SPARCL1: variants seen among roughly 807,000 people sequenced by gnomAD.
The protein encoded by SPARCL1 is SPARC-like protein 1.
SPARCL1 carries 52 observed loss-of-function variants against 67.1 expected under a neutral mutation model. The observed-to-expected ratio is 0.78, with a 90% confidence interval of 0.62 to 0.98. The LOEUF (loss-of-function observed/expected upper bound fraction) is 0.98, where lower values mean the gene tolerates loss of function less well. SPARCL1 is among the 50% of genes least tolerant of loss of function. The pLI is 0.00. For synonymous variants in SPARCL1, 226 were observed against 267.8 expected, an observed-to-expected ratio of 0.84 and a Z score of 1.52; for missense variants, 717 against 782.4, an observed-to-expected ratio of 0.92 and a Z score of 1.00.
intron 10 of SPARCL1, among the ~76,000 whole-genome samples, chr4:87,478,111 T>C (rs1289293748): frequency 6.6e-6 from 1 of 152,242 alleles, no homozygotes; most frequent in Non-Finnish European, 1.5e-5. Context: ...TGACATTTGA[T>C]GAACTGACTT....
chr4:87,474,812 G>A (rs1018188323), intron 10 of SPARCL1, among the ~76,000 whole-genome samples: 2 of 145,848 alleles, frequency 1.4e-5, no homozygotes, highest in African/African-American at 2.6e-5. Context: ...GCGCAGTCTC[G>A]GCTCACTGCA....
chr4:87,495,759 G>A (rs572195326), intron 2 of SPARCL1, among the ~76,000 whole-genome samples: 2 of 152,112 alleles, frequency 1.3e-5, no homozygotes, highest in Admixed American at 6.5e-5. Context: ...GTGAAACCCC[G>A]TCTCTACTAA....
intron 7 of SPARCL1, among the ~76,000 whole-genome samples, chr4:87,484,197 AG>A (rs1270140328): frequency 2.0e-5 from 3 of 152,116 alleles, no homozygotes; most frequent in African/African-American, 7.2e-5. Context: ...GTTTTCTTCT[AG>A]GGTTTTTATG....
intron 1 of SPARCL1, among the ~76,000 whole-genome samples, chr4:87,525,344 A>G (rs888492134): frequency 2.0e-5 from 3 of 152,120 alleles, no homozygotes; most frequent in Non-Finnish European, 1.5e-5. Flanking sequence ...TATTATATCT[A>G]TTTCACAGAT....
At chr4:87,526,320 A>G (rs1008160391) in intron 1 of SPARCL1, among the ~76,000 whole-genome samples, 8 of 152,228 alleles carry the variant, frequency 5.3e-5, no homozygotes, top group African/African-American at 1.9e-4. Context: ...AGGCAATTCA[A>G]AGAATATTTC....
Position 87,491,628 on chromosome 4 carries a change from C to A in SPARCL1, c.1281G>T (p.Val427=). The A allele has an allele frequency of 1.9e-6, 3 of 1,612,830 alleles. No individual in the cohort carries two copies. The highest frequency in any genetic ancestry group is 1.7e-5 in the Admixed American group (1 of 60,010). Residue 427 remains valine (V), a synonymous_variant, in exon 5 of 11, where the codon GTG becomes GTT. Transcript: ENST00000282470. ...TTCATGCATACTCACCCACAGCATG[C>A]ACCCTCATGTTGCCTTCACTTGACG... ...EETSSEGNMR[V]HAVDSCMSFQ...
In SPARCL1 at chr4:87,496,632, C is replaced by A. The variant is rs1296987102; in HGVS notation, c.55-1505G>T. Among the ~76,000 whole-genome samples, 4 of 152,218 alleles carry A rather than the reference C, an allele frequency of 2.6e-5. No individual in the cohort carries two copies. In the East Asian group the frequency reaches 7.7e-4, roughly 29 times the overall value. On this transcript the variant is annotated intron_variant, in intron 2 of 10. Transcript: ENST00000282470. ...ATATGTTATAAATTTTAAGGAGTTG[C>A]CCAACTGAAAATTACTATTTCTAGT... is the stretch of plus-strand genomic sequence containing the variant.
At chr4:87,487,900 G>C (rs1382557164) in intron 7 of SPARCL1, among the ~76,000 whole-genome samples, 2 of 152,068 alleles carry the variant, frequency 1.3e-5, no homozygotes, top group Non-Finnish European at 2.9e-5. Context: ...ATTGATACTT[G>C]TGTATGCTTC....
chr4:87,500,016 A>G (rs571146984), intron 1 of SPARCL1, among the ~76,000 whole-genome samples: 2 of 152,296 alleles, frequency 1.3e-5, no homozygotes, highest in African/African-American at 4.8e-5. Flanking sequence ...AGAGTAATAG[A>G]CCTAGAGGGT....
At position 87,494,372 on chromosome 4, in the gene SPARCL1, G is replaced by C; in HGVS notation, c.428C>G (p.Pro143Arg). ...AGAATCTGTGAAGGAACTAACACCA[G>C]GAGCCAAAAAATCAGTGTTCTCTGA... Reference protein sequence around the residue: ...KLSENTDFLAPGVSSFTDSNQ... With the variant: ...KLSENTDFLARGVSSFTDSNQ... The change falls in exon 4 of 11, where the codon CCT (proline) becomes CGT (arginine). Residue 143 changes from proline (P) to arginine (R), a missense_variant. Physicochemically the swap from Pro to Arg is moderately radical, Grantham distance 103. Transcript: ENST00000282470. 1.2e-6 allele frequency: 2 copies of C among 1,614,128 alleles called. No homozygotes were observed. Among genetic ancestry groups the C allele is most frequent in the Non-Finnish European group, 1.7e-6 (2 of 1,180,028 alleles).
At chr4:87,523,829 A>G (rs62315965) in intron 1 of SPARCL1, among the ~76,000 whole-genome samples, 35,928 of 152,152 alleles carry the variant, frequency 0.24, 4,424 homozygotes, top group South Asian at 0.36. Flanking sequence ...CTGTTTGGCC[A>G]AACACTTTGG....
At chr4:87,509,643 A>G (rs755940443) in intron 1 of SPARCL1, among the ~76,000 whole-genome samples, 8 of 152,198 alleles carry the variant, frequency 5.3e-5, no homozygotes, top group Non-Finnish European at 8.8e-5. Flanking sequence ...GGCTGTCAAT[A>G]GGGGAAGTGG....
rs1444802507 is a variant in SPARCL1 at position 87,499,517 on chromosome 4, T to C, written c.54+4A>G. 4 of 1,602,626 alleles carry C rather than the reference T, an allele frequency of 2.5e-6. No individual in the cohort carries two copies. Among genetic ancestry groups the C allele is most frequent in the African/African-American group, 1.3e-5 (1 of 74,116 alleles). On this transcript the variant is annotated splice_donor_region_variant and intron_variant, in intron 2 of 10. Coordinates refer to ENST00000282470, the MANE Select transcript of SPARCL1 (RefSeq NM_004684.6). The stretch of plus-strand genomic sequence containing the variant: ...GATGTAATAACAGAAGAAAGGAAAT[T>C]TACCGGGATTGCAGCTGCAGTTCCC...
At chr4:87,510,488 C>G (rs1202896132) in intron 1 of SPARCL1, among the ~76,000 whole-genome samples, 1 of 152,188 alleles carries the variant, frequency 6.6e-6, no homozygotes, top group African/African-American at 2.4e-5. Context: ...CATAAAGACC[C>G]CAGAACTCAG....
At chr4:87,485,521 ATTT>A (rs59992879) in intron 7 of SPARCL1, among the ~76,000 whole-genome samples, 1 of 143,748 alleles carries the variant, frequency 7.0e-6, no homozygotes. Flanking sequence ...ATTGGCCTGA[ATTT>A]TTTTTTTTTT....
At chr4:87,515,353 A>T (rs1296072791) in intron 1 of SPARCL1, among the ~76,000 whole-genome samples, 17 of 152,226 alleles carry the variant, frequency 1.1e-4, no homozygotes, top group Admixed American at 1.1e-3. Flanking sequence ...ATGTGATCCT[A>T]TAGTTATTTG....
chr4:87,523,136 C>A (rs1725893431), intron 1 of SPARCL1, among the ~76,000 whole-genome samples: 1 of 152,032 alleles, frequency 6.6e-6, no homozygotes, highest in South Asian at 2.1e-4. Context: ...TGGTGCACAC[C>A]TGTAATCCTA....
At chr4:87,505,996 G>A (rs150318826) in intron 1 of SPARCL1, among the ~76,000 whole-genome samples, 239 of 152,180 alleles carry the variant, frequency 1.6e-3, no homozygotes, top group African/African-American at 5.4e-3. Flanking sequence ...TGTTGTGGGG[G>A]GCTGTCCTGT....
intron 7 of SPARCL1, among the ~76,000 whole-genome samples, chr4:87,489,661 A>G (rs1204059858): frequency 1.3e-5 from 2 of 152,174 alleles, no homozygotes; most frequent in South Asian, 2.1e-4. Flanking sequence ...CAGAACTCAC[A>G]TAGATGACTT....
Sources: gnomAD v4.1 joint callset for allele counts (sites outside exome capture counted in the v4.1 genomes callset) on GRCh38, gnomAD v4.1.1 for gene constraint, MANE v1.5 for transcripts, NCBI Gene and HGNC (gene_info 2026-07-23, HGNC 2026-07-21) for gene names.